Variants in FSTL5 observed in about 807,000 individuals in gnomAD.
FSTL5 encodes the protein follistatin like 5.
FSTL5 carries 62 observed loss-of-function variants against 89.1 expected under a neutral mutation model. The ratio of observed to expected loss-of-function variants is 0.70; its 90% CI spans 0.57 to 0.86. The LOEUF is 0.86. Ranked by LOEUF, FSTL5 falls within the 40% of genes least tolerant of loss-of-function variation. The pLI is 0.00. For missense variants in FSTL5, 1,057 were observed against 1,001.6 expected, an observed-to-expected ratio of 1.06 and a Z score of -0.75; for synonymous variants, 383 against 346.2, an observed-to-expected ratio of 1.11 and a Z score of -1.18.
chr4:161,920,340 A>G, intron 4 of FSTL5, 64 bp downstream of exon 4: 1 of 1,514,166 alleles, frequency 6.6e-7, no homozygotes, highest in Admixed American at 1.9e-5. Context: ...TAGAGTTTAA[A>G]GGCACTAGTT....
At chr4:161,607,849 T>G (rs1360593330) in intron 7 of FSTL5, among the ~76,000 whole-genome samples, 2 of 152,176 alleles carry the variant, frequency 1.3e-5, no homozygotes, top group African/African-American at 4.8e-5. Context: ...ATTCTTTATT[T>G]ATGTTTCCTT....
chr4:161,648,701 A>C (rs1389792266), intron 7 of FSTL5, among the ~76,000 whole-genome samples: 1 of 152,120 alleles, frequency 6.6e-6, no homozygotes, highest in East Asian at 1.9e-4. Context: ...AAAACTCTGA[A>C]TACAAAATTG....
chr4:161,810,761 A>C (rs1730112927), intron 4 of FSTL5, among the ~76,000 whole-genome samples: 1 of 152,140 alleles, frequency 6.6e-6, no homozygotes, highest in South Asian at 2.1e-4. Context: ...AATTGATAGA[A>C]TTTGTATAAA....
At chr4:161,723,611 G>A (rs1027208141) in intron 6 of FSTL5, among the ~76,000 whole-genome samples, 6 of 152,090 alleles carry the variant, frequency 3.9e-5, no homozygotes, top group African/African-American at 9.7e-5. Flanking sequence ...TTGCATCCTG[G>A]GAGATGGAAT....
chr4:161,731,848 A>G (rs1579054308), intron 6 of FSTL5, among the ~76,000 whole-genome samples: 1 of 151,964 alleles, frequency 6.6e-6, no homozygotes, highest in Admixed American at 6.6e-5. Flanking sequence ...TTTTATTGCC[A>G]AGTGGCATTT....
chr4:161,486,143 CA>C (rs1278214856), intron 12 of FSTL5, among the ~76,000 whole-genome samples: 17,422 of 76,128 alleles, frequency 0.23, 1,088 homozygotes, highest in African/African-American at 0.34. Context: ...GACTCCGTCT[CA>C]AAAAAAAAAA....
intron 3 of FSTL5, among the ~76,000 whole-genome samples, chr4:161,944,478 T>C (rs114108587): frequency 1.3e-3 from 192 of 152,174 alleles, no homozygotes; most frequent in African/African-American, 4.5e-3. Context: ...GAGTAACTGT[T>C]GGTTAATTAG....
chr4:161,916,522 T>A (rs535405346), intron 4 of FSTL5, among the ~76,000 whole-genome samples: 39 of 152,252 alleles, frequency 2.6e-4, no homozygotes, highest in Admixed American at 9.2e-4. Flanking sequence ...TTTATAAAAA[T>A]AGAATGTTTT....
chr4:162,143,482 C>A lies in FSTL5; in HGVS notation c.-17+20133G>T, dbSNP rs536422408. On this transcript the variant is annotated intron_variant, in intron 1 of 15. Transcript: ENST00000306100. ...TCCTTCATATGTTTACAGGTGAACA[C>A]CATTGTTAATGCTCCATGCTAATTG... is the stretch of plus-strand genomic sequence containing the variant. 1.4e-4 allele frequency among the ~76,000 whole-genome samples: 21 copies of A among 152,190 alleles called. No individual in the cohort carries two copies. The East Asian group carries it at 3.5e-3, about 25-fold the overall frequency.
chr4:161,508,675 A>G (rs1578886234), intron 11 of FSTL5, among the ~76,000 whole-genome samples: 1 of 152,092 alleles, frequency 6.6e-6, no homozygotes, highest in Non-Finnish European at 1.5e-5. Flanking sequence ...TATTGTTATT[A>G]TTATGTATTA....
At chr4:161,957,223 G>A (rs952873286) in intron 3 of FSTL5, among the ~76,000 whole-genome samples, 1 of 151,110 alleles carries the variant, frequency 6.6e-6, no homozygotes, top group Admixed American at 6.6e-5. Context: ...TAGTTATTTG[G>A]GCAAATATAA....
At chr4:161,546,790 C>G (rs1732022980) in intron 8 of FSTL5, among the ~76,000 whole-genome samples, 1 of 151,888 alleles carries the variant, frequency 6.6e-6, no homozygotes, top group South Asian at 2.1e-4. Context: ...CAATCTTATA[C>G]AAGCTCTTCT....
chr4:162,106,581 C>T (rs764259618), intron 2 of FSTL5, among the ~76,000 whole-genome samples: 5 of 151,750 alleles, frequency 3.3e-5, no homozygotes, highest in Non-Finnish European at 7.4e-5. Context: ...AAATTACAAC[C>T]AAGCAAGTAG....
chr4:161,691,896 ATC>A (rs1737955884), intron 6 of FSTL5, among the ~76,000 whole-genome samples: 1 of 151,852 alleles, frequency 6.6e-6, no homozygotes, highest in African/African-American at 2.4e-5. Flanking sequence ...TTTTTTTATT[ATC>A]TCTAGCAGTG....
chr4:161,646,259 C>A (rs545597397), intron 7 of FSTL5, among the ~76,000 whole-genome samples: 5 of 148,494 alleles, frequency 3.4e-5, no homozygotes, highest in South Asian at 2.1e-4. Flanking sequence ...AGCTCTCTCT[C>A]TATATATCTC....
chr4:161,391,023 C>A (rs575682424), intron 15 of FSTL5, among the ~76,000 whole-genome samples: 3 of 152,250 alleles, frequency 2.0e-5, no homozygotes, highest in African/African-American at 4.8e-5. Context: ...TTAATTGTTG[C>A]AAATGAAAAG....
chr4:161,997,677 C>T (rs188317885), intron 3 of FSTL5, among the ~76,000 whole-genome samples: 1,818 of 149,708 alleles, frequency 0.012, 17 homozygotes, highest in Middle Eastern at 0.024. Context: ...CGATCTCTGC[C>T]CACTGCAAGC....
At chr4:161,895,546 AT>A (rs1272540869) in intron 4 of FSTL5, among the ~76,000 whole-genome samples, 1 of 152,146 alleles carries the variant, frequency 6.6e-6, no homozygotes, top group African/African-American at 2.4e-5. Flanking sequence ...TAGGTTCAGA[AT>A]TTTTGGAATC....
chr4:162,047,788 G>A (rs1053344748), intron 2 of FSTL5, among the ~76,000 whole-genome samples: 1 of 151,870 alleles, frequency 6.6e-6, no homozygotes, highest in Non-Finnish European at 1.5e-5. Context: ...TCGCACCACT[G>A]CACTCCAGCC....
Sources: allele counts gnomAD v4.1 joint callset (sites outside exome capture counted in the v4.1 genomes callset), GRCh38; gene constraint gnomAD v4.1.1; transcripts MANE v1.5; gene names NCBI Gene and HGNC (gene_info 2026-07-23, HGNC 2026-07-21).